The following NELL1 variants were observed in gnomAD, a reference collection of about 807,000 sequenced individuals.
NELL1 encodes protein kinase C-binding protein NELL1.
A neutral mutation model predicts 107.4 loss-of-function variants in NELL1; 76 were observed. The ratio of observed to expected loss-of-function variants is 0.71; its 90% CI spans 0.59 to 0.86. The LOEUF (loss-of-function observed/expected upper bound fraction) is 0.86. Ranked by LOEUF, NELL1 falls within the 40% of genes least tolerant of loss-of-function variation. The pLI, the probability that NELL1 is intolerant of heterozygous loss-of-function variation, is 0.00. For synonymous variants in NELL1, 353 were observed against 341.2 expected (o/e 1.03, Z -0.38); for missense variants, 1,024 against 1,005.5 (o/e 1.02, Z -0.25).
rs73457963 is a variant in NELL1, at chr11:21,400,887, T to C, written c.1645+29939T>C. ...GGCACAGCACTAGGCTTAGAAGGCA[T>C]AGGAGGACAGGGAATGGAAGAGAGG... is the stretch of plus-strand genomic sequence containing the variant. On this transcript the variant is annotated intron_variant, in intron 15 of 19. Transcript: ENST00000357134. 6.0e-3 allele frequency among the ~76,000 whole-genome samples: 915 copies of C among 151,928 alleles called. 8 individuals carry two copies. Among genetic ancestry groups the C allele is most frequent in the African/African-American group, 0.021 (872 of 41,502 alleles).
At chr11:21,160,870 G>A (rs1856349709) in intron 13 of NELL1, among the ~76,000 whole-genome samples, 1 of 151,846 alleles carries the variant, frequency 6.6e-6, no homozygotes, top group South Asian at 2.1e-4. Context: ...ATGTAATACT[G>A]CAATCTCTTT....
At chr11:20,785,137 G>A (rs1024268473) in intron 3 of NELL1, among the ~76,000 whole-genome samples, 8 of 152,156 alleles carry the variant, frequency 5.3e-5, no homozygotes, top group Non-Finnish European at 1.2e-4. Context: ...ATAGAGAAAT[G>A]CAATTTTGGG....
At chr11:20,912,750 A>G (rs1264560817) in intron 5 of NELL1, among the ~76,000 whole-genome samples, 1 of 152,132 alleles carries the variant, frequency 6.6e-6, no homozygotes, top group African/African-American at 2.4e-5. Context: ...ACAACTTTTT[A>G]AAAATTCCAC....
intron 12 of NELL1, among the ~76,000 whole-genome samples, chr11:21,084,380 C>T (rs1019133832): frequency 6.6e-6 from 1 of 152,140 alleles, no homozygotes; most frequent in African/African-American, 2.4e-5. Flanking sequence ...ATTATAATGG[C>T]ACCTACTGCA....
chr11:20,702,003 A>G (rs1373421332), intron 2 of NELL1, among the ~76,000 whole-genome samples: 3 of 151,852 alleles, frequency 2.0e-5, no homozygotes, highest in Non-Finnish European at 2.9e-5. Context: ...CTCTTTTTTG[A>G]TTCCATATGA....
chr11:20,702,679 G>A (rs533933190), intron 2 of NELL1, among the ~76,000 whole-genome samples: 14 of 152,190 alleles, frequency 9.2e-5, no homozygotes, highest in African/African-American at 1.4e-4. Context: ...TTTGAGATAC[G>A]TCCCATCAAT....
chr11:21,192,400 A>G (rs1857067183), intron 13 of NELL1, among the ~76,000 whole-genome samples: 1 of 151,892 alleles, frequency 6.6e-6, no homozygotes, highest in Admixed American at 6.6e-5. Flanking sequence ...TTGATTGATT[A>G]TGCATTTAAA....
At chr11:20,894,325 AAG>A (rs1490159838) in intron 5 of NELL1, among the ~76,000 whole-genome samples, 1 of 152,232 alleles carries the variant, frequency 6.6e-6, no homozygotes, top group African/African-American at 2.4e-5. Flanking sequence ...ATAGATGACT[AAG>A]AGAGTAAAAA....
intron 13 of NELL1, among the ~76,000 whole-genome samples, chr11:21,193,675 A>G (rs1188356733): frequency 1.3e-5 from 2 of 152,036 alleles, no homozygotes; most frequent in East Asian, 1.9e-4. Flanking sequence ...GTGATTCTGC[A>G]AAGTTACCAA....
At chr11:21,342,329 CT>C (rs1472576653) in intron 14 of NELL1, among the ~76,000 whole-genome samples, 1 of 150,086 alleles carries the variant, frequency 6.7e-6, no homozygotes, top group Non-Finnish European at 1.5e-5. Flanking sequence ...ATTTACTTAT[CT>C]GTTTATAGCA....
chr11:20,999,497 A>G (rs536377118), intron 12 of NELL1, among the ~76,000 whole-genome samples: 8 of 152,248 alleles, frequency 5.3e-5, no homozygotes, highest in Non-Finnish European at 1.2e-4. Flanking sequence ...TACCTAAGAG[A>G]CTCAACTTAT....
intron 14 of NELL1, among the ~76,000 whole-genome samples, chr11:21,341,023 G>A (rs1850552293): frequency 6.6e-6 from 1 of 152,080 alleles, no homozygotes; most frequent in Non-Finnish European, 1.5e-5. Flanking sequence ...TAATGAGTAA[G>A]CATTCAAAAT....
intron 14 of NELL1, among the ~76,000 whole-genome samples, chr11:21,297,422 G>T (rs1246895021): frequency 6.6e-6 from 1 of 152,054 alleles, no homozygotes; most frequent in East Asian, 1.9e-4. Context: ...TTCAGAAAAA[G>T]ATGTTGAAAA....
chr11:21,386,115 T>G (rs1323997425), intron 15 of NELL1, among the ~76,000 whole-genome samples: 1 of 151,812 alleles, frequency 6.6e-6, no homozygotes, highest in African/African-American at 2.4e-5. Context: ...CCATCTCTTC[T>G]TACCACCCAT....
chr11:21,364,458 T>C (rs1332018486), intron 14 of NELL1, among the ~76,000 whole-genome samples: 1 of 140,064 alleles, frequency 7.1e-6, no homozygotes, highest in Non-Finnish European at 1.5e-5. Context: ...CCCTATCCTA[T>C]CACAAAATGC....
At chr11:21,313,437 T>C (rs1470722685) in intron 14 of NELL1, among the ~76,000 whole-genome samples, 1 of 152,166 alleles carries the variant, frequency 6.6e-6, no homozygotes, top group Non-Finnish European at 1.5e-5. Flanking sequence ...AATTAGGCAT[T>C]CAACAAACAC....
chr11:21,014,120 A>G (rs1852512979), intron 12 of NELL1, among the ~76,000 whole-genome samples: 1 of 152,102 alleles, frequency 6.6e-6, no homozygotes, highest in Non-Finnish European at 1.5e-5. Context: ...CTCTTCTGAC[A>G]GGGATTTTAA....
chr11:21,224,271 C>G (rs1035654714), intron 13 of NELL1, among the ~76,000 whole-genome samples: 1 of 152,042 alleles, frequency 6.6e-6, no homozygotes, highest in African/African-American at 2.4e-5. Flanking sequence ...GAGGCAAGGT[C>G]TCTGTCTATC....
At chr11:21,274,077 T>G (rs1848800855) in intron 14 of NELL1, among the ~76,000 whole-genome samples, 2 of 152,178 alleles carry the variant, frequency 1.3e-5, no homozygotes, top group African/African-American at 2.4e-5. Flanking sequence ...GTAAATGGAC[T>G]AAATGCTCCA....
Sources: gnomAD v4.1 joint callset for allele counts (sites outside exome capture counted in the v4.1 genomes callset) on GRCh38, gnomAD v4.1.1 for gene constraint, MANE v1.5 for transcripts, NCBI Gene and HGNC (gene_info 2026-07-23, HGNC 2026-07-21) for gene names.